Variants in PRDM5 observed in about 807,000 individuals in gnomAD.
PRDM5 encodes the protein PR domain zinc finger protein 5.
Under a neutral mutation model 81.2 loss-of-function variants are expected in PRDM5, and 56 were observed. The ratio of observed to expected loss-of-function variants is 0.69; its 90% confidence interval spans 0.56 to 0.86. The LOEUF is 0.86. Ranked by LOEUF, PRDM5 falls within the 40% of genes least tolerant of loss-of-function variation. PRDM5 has a pLI of 0.00. For synonymous variants in PRDM5, 267 were observed against 256.4 expected (o/e 1.04, Z -0.39); for missense variants, 697 against 770.1 (o/e 0.91, Z 1.12).
intron 13 of PRDM5, among the ~76,000 whole-genome samples, chr4:120,775,522 A>G (rs751202129): frequency 6.6e-6 from 1 of 152,156 alleles, no homozygotes; most frequent in Non-Finnish European, 1.5e-5. Flanking sequence ...GCTATGTCTT[A>G]ATGCATTCTG....
intron 3 of PRDM5, among the ~76,000 whole-genome samples, chr4:120,835,456 C>A (rs1757238266): frequency 6.6e-6 from 1 of 152,154 alleles, no homozygotes; most frequent in Admixed American, 6.5e-5. Flanking sequence ...GTGTCCCCAT[C>A]CAAATCTCAT....
chr4:120,706,131 G>A (rs1004110557), intron 15 of PRDM5, among the ~76,000 whole-genome samples: 11 of 146,092 alleles, frequency 7.5e-5, no homozygotes, highest in East Asian at 2.0e-4. Context: ...TTGCTCCCTC[G>A]CCCAAGATGG....
At chr4:120,843,704 A>T (rs1412544197) in intron 3 of PRDM5, among the ~76,000 whole-genome samples, 1 of 151,892 alleles carries the variant, frequency 6.6e-6, no homozygotes, top group Non-Finnish European at 1.5e-5. Flanking sequence ...AAAAAAAAGA[A>T]GAAGAAAAGA....
chr4:120,721,944 G>A (rs1471160879), intron 14 of PRDM5, among the ~76,000 whole-genome samples: 1 of 152,194 alleles, frequency 6.6e-6, no homozygotes, highest in East Asian at 1.9e-4. Flanking sequence ...GCACGCGGGT[G>A]CCCAGAGAAA....
chr4:120,851,142 T>C (rs1275009549), intron 3 of PRDM5, among the ~76,000 whole-genome samples: 1 of 152,064 alleles, frequency 6.6e-6, no homozygotes, highest in Admixed American at 6.6e-5. Flanking sequence ...ACAGAAATAA[T>C]AGGCAATAGG....
intron 3 of PRDM5, 65 bp downstream of exon 3, chr4:120,853,353 A>C: frequency 1.2e-6 from 2 of 1,604,574 alleles, no homozygotes; most frequent in South Asian, 1.1e-5. Flanking sequence ...AACAGGGAGT[A>C]CAGTCATATA....
intron 10 of PRDM5, among the ~76,000 whole-genome samples, chr4:120,790,277 C>T (rs962231419): frequency 6.6e-6 from 1 of 152,168 alleles, no homozygotes; most frequent in Non-Finnish European, 1.5e-5. Context: ...GTATTCTCTC[C>T]TCTGCAATGT....
At chr4:120,797,763 T>C (rs1312701486) in intron 10 of PRDM5, among the ~76,000 whole-genome samples, 1 of 152,138 alleles carries the variant, frequency 6.6e-6, no homozygotes, top group Non-Finnish European at 1.5e-5. Context: ...TTCATCAGTA[T>C]GGTGTTGATA....
chr4:120,876,277 G>A (rs530594279), intron 2 of PRDM5, among the ~76,000 whole-genome samples: 1 of 152,134 alleles, frequency 6.6e-6, no homozygotes, highest in Admixed American at 6.5e-5. Context: ...ATCACAACCT[G>A]CAGCTCTTCT....
At position 120,757,288 on chromosome 4, in the gene PRDM5, G is replaced by C. The variant is rs114028043; in HGVS notation, c.1538-2650C>G. 1.5e-3 allele frequency among the ~76,000 whole-genome samples: 221 copies of C among 152,258 alleles called. 1 individual carries two copies. The highest frequency in any genetic ancestry group is 5.2e-3 in the African/African-American group (216 of 41,556). On this transcript the variant is annotated intron_variant, in intron 13 of 15. Transcript: ENST00000264808. Reference sequence around the variant, plus strand: ...ACATTTTTTGGAATGTGATTGTCCTGAGTTTGAATACTGTTCATCCTCCAT... The same window carrying C: ...ACATTTTTTGGAATGTGATTGTCCTCAGTTTGAATACTGTTCATCCTCCAT...
At chr4:120,731,584 C>T (rs973800920) in intron 14 of PRDM5, 1 of 152,100 alleles carries the variant, frequency 6.6e-6, no homozygotes, top group Admixed American at 6.6e-5. Flanking sequence ...TGGCAACAAG[C>T]TTAAGAAAAG....
chr4:120,727,597 T>C (rs1487271191), intron 14 of PRDM5, among the ~76,000 whole-genome samples: 1 of 152,128 alleles, frequency 6.6e-6, no homozygotes, highest in Non-Finnish European at 1.5e-5. Flanking sequence ...TCTCCAAATG[T>C]CTACCACTTT....
intron 14 of PRDM5, among the ~76,000 whole-genome samples, chr4:120,723,720 T>C (rs772260862): frequency 6.6e-6 from 1 of 152,110 alleles, no homozygotes; most frequent in Non-Finnish European, 1.5e-5. Context: ...GACTGATATA[T>C]ATAGTGTCCA....
intron 3 of PRDM5, among the ~76,000 whole-genome samples, chr4:120,831,430 C>G (rs544231543): frequency 1.3e-5 from 2 of 152,032 alleles, no homozygotes; most frequent in Non-Finnish European, 2.9e-5. Context: ...GCATTCATTC[C>G]TACACCTGTT....
intron 2 of PRDM5, among the ~76,000 whole-genome samples, chr4:120,861,838 T>C (rs987770113): frequency 6.6e-6 from 1 of 152,006 alleles, no homozygotes; most frequent in Non-Finnish European, 1.5e-5. Flanking sequence ...GAAGATGCTT[T>C]GTATCTGAAA....
chr4:120,851,651 TA>T (rs1241857878), intron 3 of PRDM5, among the ~76,000 whole-genome samples: 1 of 152,142 alleles, frequency 6.6e-6, no homozygotes, highest in Non-Finnish European at 1.5e-5. Context: ...ATTGATTATC[TA>T]ATACTCATTT....
At chr4:120,713,333 G>A (rs1737279934) in intron 14 of PRDM5, among the ~76,000 whole-genome samples, 1 of 152,100 alleles carries the variant, frequency 6.6e-6, no homozygotes, top group Non-Finnish European at 1.5e-5. Flanking sequence ...TGCATGGGCA[G>A]TGACTTTTAT....
intron 14 of PRDM5, among the ~76,000 whole-genome samples, chr4:120,746,999 G>T (rs959125705): frequency 2.0e-5 from 3 of 149,848 alleles, no homozygotes; most frequent in African/African-American, 7.5e-5. Context: ...GTTTATTGCA[G>T]CATTATTCAC....
At chr4:120,762,672 C>T (rs1160164912) in intron 13 of PRDM5, 1 of 152,134 alleles carries the variant, frequency 6.6e-6, no homozygotes, top group South Asian at 2.1e-4. Context: ...AAATGCTACA[C>T]TGACAAATAG....
Sources: allele counts gnomAD v4.1 joint callset (sites outside exome capture counted in the v4.1 genomes callset), GRCh38; gene constraint gnomAD v4.1.1; transcripts MANE v1.5; gene names NCBI Gene and HGNC (gene_info 2026-07-23, HGNC 2026-07-21).